Variants in GABRB2 observed in about 807,000 individuals in gnomAD.
GABRB2 encodes the protein gamma-aminobutyric acid type A receptor subunit beta2.
GABRB2 carries 16 observed loss-of-function variants against 54.7 expected under a neutral mutation model. The ratio of observed to expected loss-of-function variants is 0.29; its 90% CI spans 0.20 to 0.44. The LOEUF (loss-of-function observed/expected upper bound fraction) is 0.44, where lower values mean the gene tolerates loss of function less well. Among genes scored for constraint, GABRB2 ranks in the 20% least tolerant of loss-of-function variants. GABRB2 has a pLI of 1.00. For synonymous variants in GABRB2, 244 were observed against 233.8 expected (o/e 1.04, Z -0.40); for missense variants, 355 against 644.0 (o/e 0.55, Z 4.86).
intron 5 of GABRB2, among the ~76,000 whole-genome samples, chr5:161,387,232 T>C (rs1012336613): frequency 1.3e-5 from 2 of 152,150 alleles, no homozygotes; most frequent in African/African-American, 4.8e-5. Flanking sequence ...TTCTGCACAC[T>C]GATCTTCCTA....
intron 3 of GABRB2, among the ~76,000 whole-genome samples, chr5:161,500,805 G>A (rs562656727): frequency 2.2e-4 from 33 of 152,128 alleles, no homozygotes; most frequent in African/African-American, 7.2e-4. Context: ...AACTCAAATT[G>A]TTAACTTAAT....
intron 3 of GABRB2, among the ~76,000 whole-genome samples, chr5:161,488,263 A>G (rs899534190): frequency 6.7e-6 from 1 of 150,284 alleles, no homozygotes; most frequent in African/African-American, 2.4e-5. Context: ...TTCTAAAAGG[A>G]ACTTAAGACT....
chr5:161,534,133 C>T (rs538181446), intron 3 of GABRB2, among the ~76,000 whole-genome samples: 1 of 152,148 alleles, frequency 6.6e-6, no homozygotes, highest in Non-Finnish European at 1.5e-5. Context: ...CAATTTTTTA[C>T]AATAGTGGCT....
intron 3 of GABRB2, among the ~76,000 whole-genome samples, chr5:161,533,012 A>G (rs1760512373): frequency 6.6e-6 from 1 of 152,040 alleles, no homozygotes; most frequent in South Asian, 2.1e-4. Context: ...AGACTTCATT[A>G]ATTTAATGGT....
chr5:161,339,161 A>C (rs2113412468), intron 5 of GABRB2, among the ~76,000 whole-genome samples: 1 of 152,278 alleles, frequency 6.6e-6, no homozygotes, highest in African/African-American at 2.4e-5. Flanking sequence ...AACTGAACTA[A>C]GTACTCAGAA....
intron 3 of GABRB2, among the ~76,000 whole-genome samples, chr5:161,477,174 T>C (rs993530317): frequency 7.9e-5 from 12 of 151,562 alleles, no homozygotes; most frequent in Admixed American, 5.9e-4. Context: ...CAAGCATATG[T>C]ATATATTCTG....
chr5:161,512,684 A>G (rs2113408220), intron 3 of GABRB2, among the ~76,000 whole-genome samples: 1 of 152,244 alleles, frequency 6.6e-6, no homozygotes, highest in East Asian at 1.9e-4. Flanking sequence ...AGTCCCCAAA[A>G]GTAATTGCAA....
intron 3 of GABRB2, among the ~76,000 whole-genome samples, chr5:161,519,515 C>T (rs1254562019): frequency 1.3e-5 from 2 of 152,042 alleles, no homozygotes; most frequent in East Asian, 1.9e-4. Flanking sequence ...ATCAATGAAG[C>T]CTCACATTGA....
intron 5 of GABRB2, among the ~76,000 whole-genome samples, chr5:161,374,598 A>C (rs975716818): frequency 6.6e-6 from 1 of 152,200 alleles, no homozygotes; most frequent in Non-Finnish European, 1.5e-5. Flanking sequence ...GAGTCTTTGC[A>C]TTTAATTTAG....
upstream of GABRB2, chr5:161,547,950 C>G (rs1296762353): frequency 6.6e-6 from 1 of 152,258 alleles, no homozygotes; most frequent in Non-Finnish European, 1.5e-5. Flanking sequence ...CCCGGCCCCT[C>G]GTCCGGGACA....
Position 161,376,612 on chromosome 5 carries a change from T to C in GABRB2, c.541+34363A>G, listed in dbSNP as rs1434878476. On this transcript the variant is annotated intron_variant, in intron 5 of 9. Coordinates refer to ENST00000393959, the MANE Select transcript of GABRB2 (RefSeq NM_001371727.1). ...GATATTTATGTGCTGCTGGATTTTG[T>C]AGGAAATTAGCTAATAGGTTAATTG... Among the ~76,000 whole-genome samples the C allele has an allele frequency of 3.3e-5, 5 of 152,266 alleles. No homozygotes were observed. The East Asian group carries it at 7.7e-4, about 23-fold the overall frequency.
At chr5:161,456,598 G>A (rs1385577179) in intron 4 of GABRB2, among the ~76,000 whole-genome samples, 4 of 152,164 alleles carry the variant, frequency 2.6e-5, no homozygotes, top group East Asian at 1.9e-4. Flanking sequence ...CAGAGCAGCT[G>A]TGTAATTTTG....
At chr5:161,365,534 TATC>T (rs1754947435) in intron 5 of GABRB2, among the ~76,000 whole-genome samples, 2 of 152,218 alleles carry the variant, frequency 1.3e-5, no homozygotes, top group South Asian at 2.1e-4. Context: ...TTAGGGAAAT[TATC>T]ATATCTGACT....
In GABRB2 at chr5:161,459,769, A is replaced by G; in HGVS notation, c.313T>C (p.Leu105=). 1.2e-6 allele frequency: 2 copies of G among 1,613,868 alleles called. No individual in the cohort carries two copies. Among genetic ancestry groups the G allele is most frequent in the Non-Finnish European group, 8.5e-7 (1 of 1,179,866 alleles). The part of the protein sequence containing the change: ...RLSYNVIPLN[L]TLDNRVADQL... ...TCTGCCACTCTGTTGTCCAGAGTCA[A>G]GTTTAAAGGTATTACATTATAGGAC... Residue 105 remains leucine (L), a synonymous_variant, in exon 4 of 10, where the codon TTG becomes CTG. Transcript: ENST00000393959.
In GABRB2 at chr5:161,335,078, C is replaced by T. The variant is rs112178828; in HGVS notation, c.680-174G>A. ...CTGAGTTTCTAATTACCAGGAGTTA[C>T]TCAGTGTGGAATGCATCCTGTACTC... On this transcript the variant is annotated intron_variant, in intron 6 of 9. Transcript: ENST00000393959. Among the ~76,000 whole-genome samples, 1,758 of 152,288 alleles carry T rather than the reference C, an allele frequency of 0.012. 40 individuals carry two copies. Among genetic ancestry groups the T allele is most frequent in the South Asian group, 0.05 (240 of 4,816 alleles).
At chr5:161,407,191 A>G (rs1756370947) in intron 5 of GABRB2, among the ~76,000 whole-genome samples, 1 of 152,012 alleles carries the variant, frequency 6.6e-6, no homozygotes, top group Non-Finnish European at 1.5e-5. Context: ...TTTTCTCCTG[A>G]GGGAGGGAGG....
intron 4 of GABRB2, among the ~76,000 whole-genome samples, chr5:161,447,920 A>C (rs1757682696): frequency 6.6e-6 from 1 of 152,118 alleles, no homozygotes. Context: ...GATCCTTCCT[A>C]ATATTCTGGT....
intron 4 of GABRB2, among the ~76,000 whole-genome samples, chr5:161,458,870 A>T (rs943245739): frequency 1.3e-5 from 2 of 152,234 alleles, no homozygotes; most frequent in Admixed American, 6.5e-5. Context: ...CATGTAACAC[A>T]GAATAAATTA....
intron 3 of GABRB2, among the ~76,000 whole-genome samples, chr5:161,524,658 T>C (rs1304173742): frequency 6.6e-6 from 1 of 151,344 alleles, no homozygotes; most frequent in Non-Finnish European, 1.5e-5. Flanking sequence ...TTATTAACAC[T>C]GAAAAAAATT....
Sources: allele counts gnomAD v4.1 joint callset (sites outside exome capture counted in the v4.1 genomes callset), GRCh38; gene constraint gnomAD v4.1.1; transcripts MANE v1.5; gene names NCBI Gene and HGNC (gene_info 2026-07-23, HGNC 2026-07-21).